Variants in VPS13B observed in about 807,000 individuals in gnomAD.
VPS13B encodes intermembrane lipid transfer protein VPS13B.
Under a neutral mutation model 426.4 loss-of-function variants are expected in VPS13B, and 285 were observed. The ratio of observed to expected loss-of-function variants is 0.67; its 90% CI spans 0.61 to 0.74. The LOEUF is 0.74. VPS13B is among the 30% of genes least tolerant of loss of function. The pLI, the probability that VPS13B is intolerant of heterozygous loss-of-function variation, is 0.00. For missense variants in VPS13B, 4,537 were observed against 4,782.6 expected (o/e 0.95, Z 1.51); for synonymous variants, 1,676 against 1,676.4 (o/e 1.00, Z 0.01).
intron 4 of VPS13B, among the ~76,000 whole-genome samples, chr8:99,100,002 A>G (rs960392488): frequency 6.6e-6 from 1 of 152,166 alleles, no homozygotes; most frequent in East Asian, 1.9e-4. Context: ...ATGAACAAAT[A>G]TACTCCCAGG....
chr8:99,656,224 C>T (rs1468617788), intron 34 of VPS13B, among the ~76,000 whole-genome samples: 2 of 152,150 alleles, frequency 1.3e-5, no homozygotes, highest in Non-Finnish European at 2.9e-5. Context: ...TGAAATCGAA[C>T]TCACTCTGAA....
At chr8:99,843,966 T>G (rs1815847639) in intron 54 of VPS13B, among the ~76,000 whole-genome samples, 2 of 152,224 alleles carry the variant, frequency 1.3e-5, no homozygotes. Flanking sequence ...CTTACTTGCT[T>G]CCTTCCTCTC....
At chr8:99,593,810 G>A (rs1826825895) in intron 33 of VPS13B, among the ~76,000 whole-genome samples, 1 of 152,056 alleles carries the variant, frequency 6.6e-6, no homozygotes, top group Non-Finnish European at 1.5e-5. Context: ...TACAAGAATA[G>A]AAAACCAAAC....
chr8:99,851,925 C>A (rs1257664054), intron 55 of VPS13B, among the ~76,000 whole-genome samples: 1 of 151,958 alleles, frequency 6.6e-6, no homozygotes, highest in Non-Finnish European at 1.5e-5. Flanking sequence ...GAAACAAGGG[C>A]ACAAGCAAGC....
At position 99,365,224 on chromosome 8, in the gene VPS13B, A is replaced by G. The variant is rs1357889879; in HGVS notation, c.2825-18984A>G. ...TTGTTTACCTTTTCAAAAAATCAAT[A>G]TTATTTCATTGATCTTTTGTATTTT... On this transcript the variant is annotated intron_variant, in intron 19 of 61. Transcript: ENST00000357162. 2.0e-5 allele frequency among the ~76,000 whole-genome samples: 3 copies of G among 150,710 alleles called. No individual in the cohort carries two copies. The East Asian group carries it at 5.8e-4, about 29-fold the overall frequency.
chr8:99,502,983 G>T, intron 27 of VPS13B, 33 bp downstream of exon 27: 1 of 1,504,128 alleles, frequency 6.6e-7, no homozygotes, highest in Non-Finnish European at 9.2e-7. Flanking sequence ...AAGAAAATCT[G>T]TATTTTTCTT....
rs1554574458 is a variant in VPS13B at position 99,030,228 on chromosome 8, T to TTGTTTTTTTG, written c.148-8194_148-8193insGTTTTTTTGT. 1.9e-4 allele frequency among the ~76,000 whole-genome samples: 28 copies of TTGTTTTTTTG among 151,104 alleles called. 1 individual carries two copies. The East Asian group carries it at 4.1e-3, about 22-fold the overall frequency. On this transcript the variant is annotated intron_variant, in intron 2 of 61. Coordinates refer to ENST00000357162, the MANE Select transcript of VPS13B (RefSeq NM_152564.5). ...TAATTATCTGTTTTTTTTGTTTTTT[T>TTGTTTTTTTG]TTTTCGGCTAACCTGGGTACAGCAG...
intron 17 of VPS13B, among the ~76,000 whole-genome samples, chr8:99,231,034 T>C (rs1291250923): frequency 6.6e-6 from 1 of 152,264 alleles, no homozygotes; most frequent in African/African-American, 2.4e-5. Context: ...TCAGTGTTTA[T>C]TTTTAATTAC....
intron 23 of VPS13B, among the ~76,000 whole-genome samples, chr8:99,454,080 T>A (rs1213696666): frequency 6.6e-6 from 1 of 152,224 alleles, no homozygotes; most frequent in Non-Finnish European, 1.5e-5. Context: ...TTTGCCTTTT[T>A]AAGAATGTCA....
In VPS13B at chr8:99,776,772, TA is replaced by T; in HGVS notation, c.7248-2del. On this transcript the variant is annotated splice_acceptor_variant, in intron 40 of 61. Coordinates refer to ENST00000357162, the MANE Select transcript of VPS13B (RefSeq NM_152564.5). LOFTEE classifies it high-confidence loss of function. ...AACTTCTTTTATCACTTCTTTCCCA[TA>T]GCTCTGCAAGTGAGTCTGGTTCTCA... 1 of 1,613,930 alleles carries T rather than the reference TA, an allele frequency of 6.2e-7. No homozygotes were observed. Among genetic ancestry groups the T allele is most frequent in the East Asian group, 2.2e-5 (1 of 44,880 alleles).
chr8:99,636,022 G>A (rs970966784), intron 33 of VPS13B, among the ~76,000 whole-genome samples: 5 of 151,912 alleles, frequency 3.3e-5, no homozygotes, highest in African/African-American at 7.2e-5. Context: ...TATCTGTACC[G>A]TATACAGCTG....
At position 99,595,925 on chromosome 8, in the gene VPS13B, A is replaced by G. The variant is rs1205180255; in HGVS notation, c.5220+18292A>G. On this transcript the variant is annotated intron_variant, in intron 33 of 61. Coordinates refer to ENST00000357162, the MANE Select transcript of VPS13B (RefSeq NM_152564.5). ...ACATGAAAAGTTTCTCAGTATTATGAACCATCTAGGAAATGCAAATCAAAG... is the reference window on the plus strand; with the variant it reads ...ACATGAAAAGTTTCTCAGTATTATGGACCATCTAGGAAATGCAAATCAAAG... Among the ~76,000 whole-genome samples the G allele has an allele frequency of 2.8e-4, 42 of 151,992 alleles. 1 individual carries two copies. Among genetic ancestry groups the G allele is most frequent in the Admixed American group, 2.5e-3 (38 of 15,218 alleles).
chr8:99,074,519 A>G (rs1171895504), intron 3 of VPS13B, among the ~76,000 whole-genome samples: 1 of 152,032 alleles, frequency 6.6e-6, no homozygotes, highest in Admixed American at 6.6e-5. Flanking sequence ...AAAAAAAAAA[A>G]AAATTCTACC....
intron 34 of VPS13B, among the ~76,000 whole-genome samples, chr8:99,655,344 T>G (rs577550349): frequency 6.6e-6 from 1 of 152,314 alleles, no homozygotes; most frequent in Admixed American, 6.5e-5. Flanking sequence ...AAAAATCTGT[T>G]TATTTCAAAG....
chr8:99,091,581 T>A lies in VPS13B; in HGVS notation c.292-4731T>A, dbSNP rs568321306. ...AAGTTAAGGTTTTAAATATTGCTGT[T>A]AAGGTAGAGTTGAGTCAGATTTCTA... On this transcript the variant is annotated intron_variant, in intron 3 of 61. Transcript: ENST00000357162. Among the ~76,000 whole-genome samples, 7 of 152,290 alleles carry A rather than the reference T, an allele frequency of 4.6e-5. No homozygotes were observed. The East Asian group carries it at 1.3e-3, about 29-fold the overall frequency.
intron 33 of VPS13B, among the ~76,000 whole-genome samples, chr8:99,626,457 T>C (rs1462500491): frequency 6.6e-6 from 1 of 152,176 alleles, no homozygotes; most frequent in Non-Finnish European, 1.5e-5. Context: ...GGTGGAGTAG[T>C]AGGGGAAGTG....
chr8:99,855,605 C>G (rs902432180), intron 56 of VPS13B, among the ~76,000 whole-genome samples: 1 of 152,118 alleles, frequency 6.6e-6, no homozygotes, highest in African/African-American at 2.4e-5. Context: ...GAGGAGAGAG[C>G]CTTTGTTCTA....
At chr8:99,624,391 G>A (rs1828510977) in intron 33 of VPS13B, among the ~76,000 whole-genome samples, 1 of 152,064 alleles carries the variant, frequency 6.6e-6, no homozygotes, top group African/African-American at 2.4e-5. Flanking sequence ...GTTTAGAAGA[G>A]CGCCAAAGTG....
chr8:99,618,310 A>G (rs984134409), intron 33 of VPS13B, among the ~76,000 whole-genome samples: 7 of 151,648 alleles, frequency 4.6e-5, no homozygotes, highest in South Asian at 4.1e-4. Context: ...AATTCTGTCA[A>G]TTGTTTCTCA....
Sources: allele counts gnomAD v4.1 joint callset (sites outside exome capture counted in the v4.1 genomes callset), GRCh38; gene constraint gnomAD v4.1.1; transcripts MANE v1.5; gene names NCBI Gene and HGNC (gene_info 2026-07-23, HGNC 2026-07-21).